PALS2: variants seen among roughly 807,000 people sequenced by gnomAD.
PALS2 encodes protein associated with LIN7 2, MAGUK p55 family member, also known as protein PALS2.
PALS2 carries 27 observed loss-of-function variants against 61.6 expected under a neutral mutation model. The ratio of observed to expected loss-of-function variants is 0.44; its 90% CI spans 0.32 to 0.60. The LOEUF is 0.60. PALS2 is among the 20% of genes least tolerant of loss of function. The pLI, the probability that PALS2 is intolerant of heterozygous loss-of-function variation, is 0.05. For missense variants in PALS2, 554 were observed against 639.4 expected, an observed-to-expected ratio of 0.87 and a Z score of 1.44; for synonymous variants, 236 against 218.6, an observed-to-expected ratio of 1.08 and a Z score of -0.70.
At chr7:24,671,278 C>A (rs561062701) in intron 9 of PALS2, among the ~76,000 whole-genome samples, 10 of 152,226 alleles carry the variant, frequency 6.6e-5, no homozygotes, top group African/African-American at 2.4e-4. Context: ...AATGTCTGAT[C>A]ATGTCAAACA....
rs958566671 is a variant in PALS2, at chr7:24,689,050, G to C, written c.*1436G>C. ...GGTGGTCTCGAGCTCCTGACCTCAA[G>C]TGATCCACCCACCTTGGCCTCCCAA... is the stretch of plus-strand genomic sequence containing the variant. On this transcript the variant is annotated 3_prime_UTR_variant, in exon 12 of 12. Coordinates refer to ENST00000222644, the MANE Select transcript of PALS2 (RefSeq NM_001303037.2). The C allele has an allele frequency of 1.3e-5, 2 of 152,214 alleles. No homozygotes were observed. The highest frequency in any genetic ancestry group is 4.8e-5 in the African/African-American group (2 of 41,452). 9.4% of individuals were successfully genotyped at this position (152,214 alleles called of 1,614,324 possible). A position where few individuals can be genotyped will look rare whatever the true frequency, so the allele number is the denominator to read the frequency against.
chr7:24,685,215 A>C (rs1788133204), intron 11 of PALS2, among the ~76,000 whole-genome samples: 1 of 152,158 alleles, frequency 6.6e-6, no homozygotes, highest in African/African-American at 2.4e-5. Flanking sequence ...TTTTAAAGCC[A>C]CTGAAATAAT....
chr7:24,597,619 GAAT>G (rs1783570862), intron 1 of PALS2, among the ~76,000 whole-genome samples: 1 of 152,094 alleles, frequency 6.6e-6, no homozygotes, highest in African/African-American at 2.4e-5. Flanking sequence ...AGTTTTAGAG[GAAT>G]AACCCATGGA....
intron 5 of PALS2, among the ~76,000 whole-genome samples, chr7:24,652,484 G>A (rs1186972424): frequency 6.6e-6 from 1 of 152,078 alleles, no homozygotes; most frequent in Admixed American, 6.6e-5. Context: ...ATTCAAGTAG[G>A]AGAGGAGGAG....
chr7:24,641,173 T>C (rs1301235463), intron 2 of PALS2, among the ~76,000 whole-genome samples: 1 of 152,052 alleles, frequency 6.6e-6, no homozygotes, highest in African/African-American at 2.4e-5. Context: ...AAATCCAGTT[T>C]AAGGGCCACT....
intron 3 of PALS2, 63 bp from the exon 4 acceptor site, chr7:24,649,549 C>G (rs941291058): frequency 1.2e-5 from 17 of 1,406,444 alleles, no homozygotes; most frequent in African/African-American, 1.0e-4. Context: ...TAACAAAGTA[C>G]TTTTAGTAAC....
In PALS2 at chr7:24,573,714, C is replaced by T. The variant is rs1204870771; in HGVS notation, c.-3+121C>T. On this transcript the variant is annotated intron_variant, in intron 1 of 11. Transcript: ENST00000222644. This position sits in a 1 kb window ranked among gnomAD's most constrained non-coding sequence, Gnocchi z 5.3. ...GGGGACCCTGGCCCGCCCCGCCCCC[C>T]TCGGCACCTGGGCTTCGGCGGGCGC... 2 of 154,748 alleles carry T rather than the reference C, an allele frequency of 1.3e-5. No homozygotes were observed. Among genetic ancestry groups the T allele is most frequent in the Non-Finnish European group, 2.8e-5 (2 of 71,308 alleles). 9.6% of individuals were successfully genotyped at this position (154,748 alleles called of 1,614,324 possible).
intron 3 of PALS2, among the ~76,000 whole-genome samples, chr7:24,643,003 G>T (rs1471123869): frequency 6.6e-6 from 1 of 152,188 alleles, no homozygotes; most frequent in Non-Finnish European, 1.5e-5. Context: ...ATGGCAGTAC[G>T]TATAGATAGA....
At chr7:24,632,657 G>A (rs1785049558) in intron 2 of PALS2, among the ~76,000 whole-genome samples, 1 of 152,126 alleles carries the variant, frequency 6.6e-6, no homozygotes, top group Non-Finnish European at 1.5e-5. Context: ...AAAATGCTAG[G>A]ATTACAGGTG....
chr7:24,599,144 A>T (rs965757404), intron 1 of PALS2, among the ~76,000 whole-genome samples: 1 of 152,280 alleles, frequency 6.6e-6, no homozygotes, highest in African/African-American at 2.4e-5. Context: ...GATTGTACTA[A>T]CACACACATA....
chr7:24,680,851 C>T (rs1787888254), intron 11 of PALS2, among the ~76,000 whole-genome samples: 1 of 152,210 alleles, frequency 6.6e-6, no homozygotes, highest in South Asian at 2.1e-4. Context: ...CCACCTCGGC[C>T]TCCCAAAGTG....
chr7:24,658,620 G>A (rs1284551522), intron 5 of PALS2, among the ~76,000 whole-genome samples: 2 of 149,546 alleles, frequency 1.3e-5, no homozygotes, highest in East Asian at 2.0e-4. Context: ...GCAGTGGCAC[G>A]ATCTCGGCTC....
chr7:24,650,445 C>T, intron 4 of PALS2, 40 bp from the exon 5 acceptor site: 1 of 1,430,850 alleles, frequency 7.0e-7, no homozygotes, highest in Non-Finnish European at 9.5e-7. Flanking sequence ...AGCATTTCTC[C>T]CTAATAATTA....
intron 9 of PALS2, among the ~76,000 whole-genome samples, chr7:24,676,857 A>G (rs577188357): frequency 2.0e-5 from 3 of 150,968 alleles, no homozygotes; most frequent in African/African-American, 7.4e-5. Flanking sequence ...TTGGTGATGC[A>G]GGCTCTCTTT....
intron 2 of PALS2, among the ~76,000 whole-genome samples, chr7:24,638,055 T>C (rs189025116): frequency 6.6e-6 from 1 of 152,114 alleles, no homozygotes; most frequent in African/African-American, 2.4e-5. Flanking sequence ...TCTTTTTTAG[T>C]TTGATTAGTT....
chr7:24,577,691 A>G (rs1363282715), intron 1 of PALS2, among the ~76,000 whole-genome samples: 2 of 152,080 alleles, frequency 1.3e-5, no homozygotes, highest in African/African-American at 2.4e-5. Flanking sequence ...AACTCTTCCT[A>G]AATCATTACA....
At position 24,693,308 on chromosome 7, in the gene PALS2, A is replaced by G. The variant is rs1378453246; in HGVS notation, c.*5694A>G. 1 of 152,208 alleles carries G rather than the reference A, an allele frequency of 6.6e-6. No homozygotes were observed. The highest frequency in any genetic ancestry group is 1.5e-5 in the Non-Finnish European group (1 of 68,020). The allele number at this position is 152,208 out of a possible 1,614,324, so 9.4% of individuals were successfully genotyped here. A position where few individuals can be genotyped will look rare whatever the true frequency, so the allele number is the denominator to read the frequency against. On this transcript the variant is annotated 3_prime_UTR_variant, in exon 12 of 12. Coordinates refer to ENST00000222644, the MANE Select transcript of PALS2 (RefSeq NM_001303037.2). ...CTTCAGCCAACAGCAAGCCAGGGGA[A>G]GGAACATACATAAATATGACAGGTC...
At chr7:24,606,619 T>G (rs912195223) in intron 1 of PALS2, among the ~76,000 whole-genome samples, 1 of 152,166 alleles carries the variant, frequency 6.6e-6, no homozygotes. Flanking sequence ...TTGTTTCATT[T>G]TGTTTTTTTG....
In PALS2 at chr7:24,609,029, A is replaced by C. The variant is rs59021441; in HGVS notation, c.-2-14637A>C. On this transcript the variant is annotated intron_variant, in intron 1 of 11. Coordinates refer to ENST00000222644, the MANE Select transcript of PALS2 (RefSeq NM_001303037.2). The stretch of plus-strand genomic sequence containing the variant: ...TTATGAACACAGTAGCTTCTCACAT[A>C]TCTCTCAGAATGCTAACAAAAATAA... 7.7e-3 allele frequency among the ~76,000 whole-genome samples: 1,168 copies of C among 152,222 alleles called. 33 individuals carry two copies. The East Asian group carries it at 0.093, about 12-fold the overall frequency.
Sources: allele counts gnomAD v4.1 joint callset (sites outside exome capture counted in the v4.1 genomes callset), GRCh38; gene constraint gnomAD v4.1.1; non-coding constraint Gnocchi (gnomAD v3.1); transcripts MANE v1.5; gene names NCBI Gene and HGNC (gene_info 2026-07-23, HGNC 2026-07-21).